GATA3: variants seen among roughly 807,000 people sequenced by gnomAD.
GATA3 encodes the protein GATA binding protein 3, also known as trans-acting T-cell-specific transcription factor GATA-3.
Under a neutral mutation model 36.0 loss-of-function variants are expected in GATA3, and 6 were observed. That is an observed-to-expected ratio of 0.17 (90% confidence interval 0.09 to 0.33). GATA3 has a LOEUF of 0.33. Ranked by LOEUF, GATA3 falls within the 10% of genes least tolerant of loss-of-function variation. The pLI, the probability that GATA3 is intolerant of heterozygous loss-of-function variation, is 1.00. For synonymous variants in GATA3, 326 were observed against 273.0 expected, an observed-to-expected ratio of 1.19 and a Z score of -1.92; for missense variants, 514 against 610.1, an observed-to-expected ratio of 0.84 and a Z score of 1.66.
In GATA3 at chr10:8,069,580, C is replaced by A; in HGVS notation, c.1032C>A (p.Leu344=). 2 of 1,614,136 alleles carry A rather than the reference C, an allele frequency of 1.2e-6. No homozygotes were observed. The highest frequency in any genetic ancestry group is 1.7e-6 in the Non-Finnish European group (2 of 1,180,030). Residue 344 remains leucine, a synonymous_variant, in exon 5 of 6, where the codon CTC becomes CTA. Coordinates refer to ENST00000379328, the MANE Select transcript of GATA3 (RefSeq NM_001002295.2). ...ACCCTGTCTGCAATGCCTGTGGGCT[C>A]TACTACAAGCTTCACAATGTAAGTG... is the stretch of plus-strand genomic sequence containing the variant. ...NGDPVCNACG[L]YYKLHNINRP...
In GATA3 at chr10:8,055,558, T is replaced by G; in HGVS notation, c.-98T>G. 3 of 1,196,684 alleles carry G rather than the reference T, an allele frequency of 2.5e-6. No homozygotes were observed. The highest frequency in any genetic ancestry group is 1.9e-5 in the South Asian group (1 of 53,502). 74.1% of individuals were successfully genotyped at this position (1,196,684 alleles called of 1,614,324 possible). On this transcript the variant is annotated 5_prime_UTR_variant, in exon 2 of 6. Coordinates refer to ENST00000379328, the MANE Select transcript of GATA3 (RefSeq NM_001002295.2). This position sits in a 1 kb window ranked among gnomAD's most constrained non-coding sequence, Gnocchi z 5.4. ...CAAATCATTCAACGACCCCCGACCC[T>G]CCGACGGCAGGAGCCCCCCGACCTC...
At chr10:8,069,135 C>T (rs1832890293) in intron 4 of GATA3, among the ~76,000 whole-genome samples, 1 of 152,138 alleles carries the variant, frequency 6.6e-6, no homozygotes, top group Admixed American at 6.5e-5. Flanking sequence ...AAAATTGCCA[C>T]CCATAAAAAT....
At chr10:8,050,789 T>G, upstream of GATA3, 1 of 383,004 alleles carries the variant, frequency 2.6e-6, no homozygotes, top group Non-Finnish European at 5.3e-6. Context: ...TGCAAAGTCT[T>G]TAAGTAAACA....
exon 1 of GATA3, chr10:8,045,382 T>C (rs1472608376): frequency 6.6e-6 from 1 of 152,438 alleles, no homozygotes; most frequent in Non-Finnish European, 1.5e-5. Context: ...TGAGATGCGG[T>C]GAGCAGTTCC....
intron 1 of GATA3, among the ~76,000 whole-genome samples, chr10:8,047,462 G>A (rs568672864): frequency 6.6e-6 from 1 of 152,226 alleles, no homozygotes; most frequent in Non-Finnish European, 1.5e-5. Context: ...TCTTCTCCTG[G>A]TATATCTTTG....
upstream of GATA3, among the ~76,000 whole-genome samples, chr10:8,048,719 T>C (rs962416021): frequency 9.9e-5 from 15 of 152,080 alleles, no homozygotes; most frequent in Non-Finnish European, 1.9e-4. Flanking sequence ...GAGTTCCTTC[T>C]CTCCCACCCA....
At chr10:8,054,457 C>T (rs1215927911), upstream of GATA3, among the ~76,000 whole-genome samples, 1 of 152,148 alleles carries the variant, frequency 6.6e-6, no homozygotes, top group East Asian at 1.9e-4. This position sits in a 1 kb window ranked among gnomAD's most constrained non-coding sequence, Gnocchi z 4.2. Flanking sequence ...CCCACCCTGC[C>T]CGCCGCCCCT....
upstream of GATA3, chr10:8,051,040 C>G (rs148202969): frequency 2.3e-4 from 119 of 525,628 alleles, no homozygotes; most frequent in African/African-American, 2.2e-3. Flanking sequence ...GTCTGTAGCC[C>G]TAGGGCTGAG....
upstream of GATA3, among the ~76,000 whole-genome samples, chr10:8,048,915 C>T (rs1318851449): frequency 6.8e-6 from 1 of 148,066 alleles, no homozygotes; most frequent in Non-Finnish European, 1.5e-5. Flanking sequence ...GTGGGAGGGT[C>T]AGGATCCCTC....
chr10:8,073,123 C>A (rs529684101), intron 5 of GATA3, among the ~76,000 whole-genome samples: 1 of 116,062 alleles, frequency 8.6e-6, no homozygotes, highest in South Asian at 3.1e-4. Flanking sequence ...CCAGCCTGGG[C>A]GACAGCGGGA....
intron 4 of GATA3, among the ~76,000 whole-genome samples, chr10:8,064,542 A>G (rs996408254): frequency 2.0e-5 from 3 of 152,116 alleles, no homozygotes; most frequent in Non-Finnish European, 4.4e-5. Context: ...ATGAGGACGG[A>G]ATGTTCCAGA....
chr10:8,067,854 A>G (rs1832871874), intron 4 of GATA3, among the ~76,000 whole-genome samples: 1 of 151,936 alleles, frequency 6.6e-6, no homozygotes, highest in African/African-American at 2.4e-5. Context: ...AAAAAACAAA[A>G]AACAAAAAAC....
At chr10:8,070,278 G>A (rs1282468452) in intron 5 of GATA3, among the ~76,000 whole-genome samples, 18 of 152,160 alleles carry the variant, frequency 1.2e-4, no homozygotes, top group Admixed American at 1.2e-3. Flanking sequence ...TGTTAGCAGA[G>A]CGGTAATTGC....
Position 8,064,162 on chromosome 10 carries a change from T to G in GATA3, c.924+24T>G, listed in dbSNP as rs1387247337. The G allele has an allele frequency of 5.0e-6, 8 of 1,614,008 alleles. No individual in the cohort carries two copies. The South Asian group carries it at 7.7e-5, about 16-fold the overall frequency. On this transcript the variant is annotated intron_variant, in intron 4 of 5. Transcript: ENST00000379328. The stretch of plus-strand genomic sequence containing the variant: ...TGGTAAGTTCTCGGGAAGGGATGGA[T>G]TCCATGCTGACCATTCTGGGTTTCT...
At chr10:8,053,632 C>T (rs1832556860), upstream of GATA3, 1 of 152,312 alleles carries the variant, frequency 6.6e-6, no homozygotes, top group Non-Finnish European at 1.5e-5. This position sits in a 1 kb window ranked among gnomAD's most constrained non-coding sequence, Gnocchi z 5.1. Flanking sequence ...GTGCCCTCCG[C>T]CCCGGGGTGC....
At chr10:8,067,434 T>A (rs1832859833) in intron 4 of GATA3, among the ~76,000 whole-genome samples, 1 of 152,248 alleles carries the variant, frequency 6.6e-6, no homozygotes, top group Admixed American at 6.5e-5. Flanking sequence ...TCACTCAGGT[T>A]AATTCAAAAT....
intron 5 of GATA3, among the ~76,000 whole-genome samples, chr10:8,071,784 T>C (rs909331732): frequency 2.0e-5 from 3 of 152,236 alleles, no homozygotes; most frequent in African/African-American, 7.2e-5. Flanking sequence ...CATCTCTACA[T>C]GGATGCCATA....
chr10:8,065,751 T>C (rs1832828571), intron 4 of GATA3, among the ~76,000 whole-genome samples: 1 of 129,800 alleles, frequency 7.7e-6, no homozygotes, highest in Non-Finnish European at 1.6e-5. Context: ...CAAAGCTGAC[T>C]TCCTAGGAAA....
At position 8,074,235 on chromosome 10, in the gene GATA3, A is replaced by G; in HGVS notation, c.*212A>G. 1 of 594,394 alleles carries G rather than the reference A, an allele frequency of 1.7e-6. No homozygotes were observed. 36.8% of individuals were successfully genotyped at this position (594,394 alleles called of 1,614,324 possible). On this transcript the variant is annotated 3_prime_UTR_variant, in exon 6 of 6. Coordinates refer to ENST00000379328, the MANE Select transcript of GATA3 (RefSeq NM_001002295.2). ...TCTGGACCCCATCTGTGAATAAGCC[A>G]TTCTGACTCATATCCCCTATTTAAC...
Sources: allele counts gnomAD v4.1 joint callset (sites outside exome capture counted in the v4.1 genomes callset), GRCh38; gene constraint gnomAD v4.1.1; non-coding constraint Gnocchi (gnomAD v3.1); transcripts MANE v1.5; gene names NCBI Gene and HGNC (gene_info 2026-07-23, HGNC 2026-07-21).